Variants in TEX9 observed in about 807,000 individuals in gnomAD.
TEX9 encodes the protein testis-expressed protein 9.
A neutral mutation model predicts 59.6 loss-of-function variants in TEX9; 74 were observed. The ratio of observed to expected loss-of-function variants is 1.24; its 90% CI spans 1.03 to 1.51. The LOEUF (loss-of-function observed/expected upper bound fraction) is 1.51. Among genes scored for constraint, TEX9 ranks in the 40% most tolerant of loss-of-function variants. The pLI is 0.00. For missense variants in TEX9, 522 were observed against 447.8 expected (o/e 1.17, Z -1.49); for synonymous variants, 186 against 152.2 (o/e 1.22, Z -1.64).
At chr15:56,339,383 C>CAAAA (rs71456382) in intron 1 of TEX9, among the ~76,000 whole-genome samples, 3,867 of 30,458 alleles carry the variant, frequency 0.13, 789 homozygotes, top group Non-Finnish European at 0.17. Flanking sequence ...ACTCCTTCTC[C>CAAAA]AAAAAAAAAA....
At chr15:56,335,582 G>A (rs1264260444) in intron 1 of TEX9, among the ~76,000 whole-genome samples, 4 of 152,130 alleles carry the variant, frequency 2.6e-5, no homozygotes, top group Admixed American at 6.5e-5. Flanking sequence ...GACAATATTT[G>A]CTAGCATAAC....
At chr15:56,250,601 A>G (rs2043992262) in intron 1 of TEX9, among the ~76,000 whole-genome samples, 1 of 152,170 alleles carries the variant, frequency 6.6e-6, no homozygotes, top group Non-Finnish European at 1.5e-5. Flanking sequence ...CGAGAGAACA[A>G]GTAGTAGGAG....
chr15:56,329,288 T>A (rs2046091732), intron 1 of TEX9, among the ~76,000 whole-genome samples: 1 of 152,118 alleles, frequency 6.6e-6, no homozygotes, highest in Non-Finnish European at 1.5e-5. Flanking sequence ...TTCAAATACC[T>A]GGAAAGCCTT....
In TEX9 at chr15:56,340,948, G is replaced by A. The variant is rs537370893; in HGVS notation, c.-106-32493G>A. On this transcript the variant is annotated intron_variant, in intron 1 of 5. Coordinates refer to the TEX9 transcript ENST00000560827. ...ATTTCTGCAGGCCCATAGGGTTCGG[G>A]CACACCTGGGGTTCAATGTTCTGAA... 2.0e-4 allele frequency among the ~76,000 whole-genome samples: 30 copies of A among 151,876 alleles called. 2 individuals carry two copies. In the South Asian group the frequency reaches 6.0e-3, roughly 31 times the overall value.
chr15:56,335,164 A>G (rs2046235193), intron 1 of TEX9, among the ~76,000 whole-genome samples: 1 of 151,936 alleles, frequency 6.6e-6, no homozygotes, highest in African/African-American at 2.4e-5. Context: ...GAGCCAAAAG[A>G]AAGGAAATCA....
At chr15:56,277,485 G>C (rs972715980) in intron 1 of TEX9, among the ~76,000 whole-genome samples, 1 of 152,154 alleles carries the variant, frequency 6.6e-6, no homozygotes, top group Non-Finnish European at 1.5e-5. Flanking sequence ...GATGGTTGTA[G>C]ATGTGTGGTG....
intron 9 of TEX9, among the ~76,000 whole-genome samples, chr15:56,409,460 T>A (rs1293836438): frequency 6.6e-6 from 1 of 152,108 alleles, no homozygotes; most frequent in African/African-American, 2.4e-5. Context: ...TTGTCTTCAT[T>A]GTTCTTATTA....
chr15:56,413,317 T>TTA lies in TEX9; in HGVS notation c.963+881_963+882insTA, dbSNP rs2049499105. Among the ~76,000 whole-genome samples, 3 of 133,764 alleles carry TTA rather than the reference T, an allele frequency of 2.2e-5. No individual in the cohort carries two copies. In the Admixed American group the frequency reaches 2.3e-4, roughly 10 times the overall value. The allele number at this position is 133,764 out of a possible 152,430, so 87.8% of individuals were successfully genotyped here. A position where few individuals can be genotyped will look rare whatever the true frequency, so the allele number is the denominator to read the frequency against. On this transcript the variant is annotated intron_variant, in intron 10 of 12. Coordinates refer to ENST00000352903, the Ensembl canonical transcript of TEX9. ...TAAATTATTTAATTTAATAATTTAT[T>TTA]ATTTAATAATTAAAACAATATTTAA... is the stretch of plus-strand genomic sequence containing the variant.
intron 1 of TEX9, among the ~76,000 whole-genome samples, chr15:56,342,494 T>C (rs1328487853): frequency 6.6e-6 from 1 of 152,072 alleles, no homozygotes; most frequent in Non-Finnish European, 1.5e-5. Context: ...AGAGCAAACA[T>C]TATGGTTCAG....
In TEX9 at chr15:56,412,448, T is replaced by C. The variant is rs1596211101; in HGVS notation, c.963+12T>C. 1.2e-6 allele frequency: 2 copies of C among 1,602,170 alleles called. No homozygotes were observed. The highest frequency in any genetic ancestry group is 8.5e-7 in the Non-Finnish European group (1 of 1,176,966). ...GGCAAAATAACAAGGTATGGAAAAA[T>C]TGAATAGCTTTTGTAGTGATCCCTT... is the stretch of plus-strand genomic sequence containing the variant. On this transcript the variant is annotated intron_variant, in intron 10 of 12. Transcript: ENST00000352903.
chr15:56,424,860 A>G (rs1463844505), intron 10 of TEX9, among the ~76,000 whole-genome samples: 4 of 152,168 alleles, frequency 2.6e-5, no homozygotes, highest in Admixed American at 6.6e-5. Flanking sequence ...TCATATTTGC[A>G]TATAGCTTTG....
upstream of TEX9, among the ~76,000 whole-genome samples, chr15:56,365,197 CTCTT>C (rs548475745): frequency 9.7e-4 from 148 of 152,332 alleles, 1 homozygote; most frequent in African/African-American, 3.5e-3. Flanking sequence ...TTGGCTGAAA[CTCTT>C]TCAACCCCCA....
At chr15:56,283,398 A>G (rs2044866794) in intron 1 of TEX9, among the ~76,000 whole-genome samples, 1 of 152,194 alleles carries the variant, frequency 6.6e-6, no homozygotes, top group South Asian at 2.1e-4. Context: ...GCATATTATA[A>G]CTGTGCAGTT....
chr15:56,427,292 A>AATATGTTTTCAAATATATTATTAT (rs4002381), intron 10 of TEX9, among the ~76,000 whole-genome samples: 1 of 151,894 alleles, frequency 6.6e-6, no homozygotes, highest in Non-Finnish European at 1.5e-5. Context: ...ACGTTTTTAA[A>AATATGTTTTCAAATATATTATTAT]ATGTTTTCAA....
intron 1 of TEX9, among the ~76,000 whole-genome samples, chr15:56,260,104 G>A (rs2141340717): frequency 6.6e-6 from 1 of 152,096 alleles, no homozygotes; most frequent in South Asian, 2.1e-4. Flanking sequence ...TTTGTATTCA[G>A]TGACTTATCT....
intron 1 of TEX9, among the ~76,000 whole-genome samples, chr15:56,333,608 G>A (rs1021033820): frequency 6.6e-6 from 1 of 152,028 alleles, no homozygotes; most frequent in African/African-American, 2.4e-5. Context: ...TCATCTAAGA[G>A]CTGGAACAAG....
chr15:56,350,677 G>C (rs2046560113), intron 1 of TEX9, among the ~76,000 whole-genome samples: 1 of 152,056 alleles, frequency 6.6e-6, no homozygotes, highest in Admixed American at 6.5e-5. Context: ...CAGCAATCCT[G>C]GTCCCATAAA....
the TEX9 span, among the ~76,000 whole-genome samples, chr15:56,455,716 A>T: frequency 1.3e-5 from 2 of 152,178 alleles, no homozygotes. Context: ...AGTATCTGGC[A>T]GTCTTTCTTG....
At chr15:56,295,475 C>A (rs2045196404) in intron 1 of TEX9, among the ~76,000 whole-genome samples, 1 of 152,218 alleles carries the variant, frequency 6.6e-6, no homozygotes, top group Admixed American at 6.5e-5. Flanking sequence ...TCCATCCTTT[C>A]TGCATCTTGA....
Sources: allele counts gnomAD v4.1 joint callset (sites outside exome capture counted in the v4.1 genomes callset), GRCh38; gene constraint gnomAD v4.1.1; transcripts MANE v1.5; gene names NCBI Gene and HGNC (gene_info 2026-07-23, HGNC 2026-07-21).